The following DTNB variants were observed in gnomAD, a reference collection of about 807,000 sequenced individuals.
The protein encoded by DTNB is DTN-B.
DTNB carries 63 observed loss-of-function variants against 90.7 expected under a neutral mutation model. That is an observed-to-expected ratio of 0.69 (90% CI 0.57 to 0.86). The LOEUF (loss-of-function observed/expected upper bound fraction) is 0.86, where lower values mean the gene tolerates loss of function less well. Ranked by LOEUF, DTNB falls within the 40% of genes least tolerant of loss-of-function variation. The probability of loss-of-function intolerance (pLI) is 0.00; values close to 1 mark genes in which losing one functional copy is unlikely to be tolerated. For synonymous variants in DTNB, 277 were observed against 286.7 expected (o/e 0.97, Z 0.34); for missense variants, 744 against 807.1 (o/e 0.92, Z 0.95).
chr2:25,608,505 G>A (rs556691770), intron 4 of DTNB, among the ~76,000 whole-genome samples: 2 of 152,268 alleles, frequency 1.3e-5, no homozygotes, highest in African/African-American at 4.8e-5. Flanking sequence ...AAAATATATT[G>A]TTCTTCAGAA....
intron 9 of DTNB, among the ~76,000 whole-genome samples, chr2:25,509,490 GT>G (rs2073411373): frequency 6.6e-6 from 1 of 150,838 alleles, no homozygotes; most frequent in Non-Finnish European, 1.5e-5. Flanking sequence ...ATCTGCAAAT[GT>G]TTTTGTCTTT....
Position 25,637,198 on chromosome 2 carries a change from A to G in DTNB, c.148+1816T>C, listed in dbSNP as rs1477004654. On this transcript the variant is annotated intron_variant, in intron 3 of 20. Coordinates refer to ENST00000406818, the MANE Select transcript of DTNB (RefSeq NM_021907.5). ...GGATCCCTTCCTTACACCTTATACAAAAATTAATTCAAGATGGATTAAAGA... is the reference window on the plus strand; with the variant it reads ...GGATCCCTTCCTTACACCTTATACAGAAATTAATTCAAGATGGATTAAAGA... Among the ~76,000 whole-genome samples the G allele has an allele frequency of 3.3e-5, 5 of 152,180 alleles. No homozygotes were observed. In the South Asian group the frequency reaches 8.3e-4, roughly 25 times the overall value.
At position 25,605,573 on chromosome 2, in the gene DTNB, T is replaced by C. The variant is rs149304797; in HGVS notation, c.448+1663A>G. ...GACAAAATTTTAAGTATTTACCATA[T>C]GCCAGGTGAGCTGGCTCTATGTAAA... On this transcript the variant is annotated intron_variant, in intron 5 of 20. Transcript: ENST00000406818. Among the ~76,000 whole-genome samples, 282 of 152,370 alleles carry C rather than the reference T, an allele frequency of 1.9e-3. 3 individuals carry two copies. Among genetic ancestry groups the C allele is most frequent in the Non-Finnish European group, 5.9e-4 (40 of 68,036 alleles).
intron 8 of DTNB, among the ~76,000 whole-genome samples, chr2:25,541,201 A>C (rs1396220008): frequency 3.3e-5 from 5 of 152,196 alleles, no homozygotes; most frequent in Non-Finnish European, 5.9e-5. Context: ...AGTTCAGGCC[A>C]GGCACAGTGG....
chr2:25,629,927 T>C (rs1351027138), intron 3 of DTNB, among the ~76,000 whole-genome samples: 1 of 152,152 alleles, frequency 6.6e-6, no homozygotes, highest in African/African-American at 2.4e-5. Context: ...TTTCAAAGGA[T>C]ACTATCAAGA....
intron 12 of DTNB, among the ~76,000 whole-genome samples, chr2:25,441,288 C>G (rs2057330444): frequency 6.6e-6 from 1 of 152,200 alleles, no homozygotes; most frequent in South Asian, 2.1e-4. Flanking sequence ...GATTCATGGG[C>G]TGTCCTAAAG....
intron 8 of DTNB, among the ~76,000 whole-genome samples, chr2:25,561,693 C>G (rs2058285822): frequency 6.6e-6 from 1 of 152,144 alleles, no homozygotes; most frequent in African/African-American, 2.4e-5. Flanking sequence ...CTCCTCCTCT[C>G]CCCCTCTTGC....
chr2:25,625,542 AACTC>A (rs1441571284), intron 4 of DTNB, among the ~76,000 whole-genome samples: 1 of 140,696 alleles, frequency 7.1e-6, no homozygotes, highest in Non-Finnish European at 1.5e-5. Flanking sequence ...TACTCTTCTT[AACTC>A]ACTCATTTTT....
In DTNB at chr2:25,596,240, T is replaced by C. The variant is rs1256753068; in HGVS notation, c.449A>G (p.Tyr150Cys). Residue 150 changes from tyrosine to cysteine, a missense_variant and splice_region_variant, in exon 6 of 21, where the codon TAT becomes TGT. Physicochemically the swap from Tyr to Cys is radical, Grantham distance 194. Coordinates refer to ENST00000406818, the MANE Select transcript of DTNB (RefSeq NM_021907.5). ...GGAATCTGACATCTGGGAGAAAACA[T>C]CTATGAGAACAAAACCAAATAAAGT... Reference protein sequence around the residue: ...CGGKMLDKLRYVFSQMSDSNG... With the variant: ...CGGKMLDKLRCVFSQMSDSNG... The C allele has an allele frequency of 1.2e-6, 2 of 1,605,170 alleles. No homozygotes were observed. The highest frequency in any genetic ancestry group is 1.3e-5 in the African/African-American group (1 of 74,338).
chr2:25,645,528 T>C (rs1359905576), intron 2 of DTNB, among the ~76,000 whole-genome samples: 1 of 152,076 alleles, frequency 6.6e-6, no homozygotes, highest in East Asian at 1.9e-4. Context: ...TAACGTTGAC[T>C]TCCCAGGCTC....
chr2:25,673,164 T>C (rs1233072380), intron 1 of DTNB, among the ~76,000 whole-genome samples: 1 of 151,502 alleles, frequency 6.6e-6, no homozygotes, highest in Admixed American at 6.6e-5. Flanking sequence ...GCATCCCCTC[T>C]GCCTGTCCCT....
chr2:25,565,608 T>C (rs1227827336), intron 8 of DTNB, among the ~76,000 whole-genome samples: 6 of 131,284 alleles, frequency 4.6e-5, no homozygotes, highest in Admixed American at 2.9e-4. Flanking sequence ...TCCCAGTTTA[T>C]TGCATTTTTT....
At position 25,488,662 on chromosome 2, in the gene DTNB, T is replaced by C. The variant is rs1303192980; in HGVS notation, c.1002-5789A>G. Among the ~76,000 whole-genome samples, 4 of 152,210 alleles carry C rather than the reference T, an allele frequency of 2.6e-5. No homozygotes were observed. In the East Asian group the frequency reaches 5.8e-4, roughly 22 times the overall value. ...AAACGTGCATTTACTTATTTATTTA[T>C]TGTTTTGAGATGGAGTCTCTCACTC... On this transcript the variant is annotated intron_variant, in intron 9 of 20. Transcript: ENST00000406818.
At chr2:25,596,318 A>G in intron 5 of DTNB, 78 bp from the exon 6 acceptor site, 2 of 1,413,264 alleles carry the variant, frequency 1.4e-6, no homozygotes, top group Non-Finnish European at 1.9e-6. Context: ...TCATTTGTAT[A>G]CCAAACAAAA....
intron 1 of DTNB, among the ~76,000 whole-genome samples, chr2:25,659,425 A>C (rs111620035): frequency 8.8e-4 from 133 of 151,762 alleles, no homozygotes; most frequent in African/African-American, 3.0e-3. Flanking sequence ...TGAAACTAGA[A>C]TTCACTAAAA....
chr2:25,571,963 C>T (rs1482974079), intron 8 of DTNB, among the ~76,000 whole-genome samples: 1 of 152,154 alleles, frequency 6.6e-6, no homozygotes, highest in Non-Finnish European at 1.5e-5. Flanking sequence ...ACCGTGGATA[C>T]TACTGAAACT....
chr2:25,445,622 T>C (rs1441696600), intron 12 of DTNB, among the ~76,000 whole-genome samples: 1 of 152,210 alleles, frequency 6.6e-6, no homozygotes, highest in African/African-American at 2.4e-5. Flanking sequence ...TCCAGCATTG[T>C]TCTCTGCATT....
At chr2:25,609,814 A>C (rs2068115902) in intron 4 of DTNB, among the ~76,000 whole-genome samples, 2 of 152,036 alleles carry the variant, frequency 1.3e-5, no homozygotes, top group South Asian at 4.1e-4. Context: ...CAAGTGATTC[A>C]AAACAGCCAG....
intron 8 of DTNB, among the ~76,000 whole-genome samples, chr2:25,557,780 A>G (rs2057607408): frequency 6.6e-6 from 1 of 152,260 alleles, no homozygotes; most frequent in Non-Finnish European, 1.5e-5. Flanking sequence ...AGACAGGGGT[A>G]AAACTATCAG....
Sources: allele counts gnomAD v4.1 joint callset (sites outside exome capture counted in the v4.1 genomes callset), GRCh38; gene constraint gnomAD v4.1.1; transcripts MANE v1.5; gene names NCBI Gene and HGNC (gene_info 2026-07-23, HGNC 2026-07-21).